SWT1: variants seen among roughly 807,000 people sequenced by gnomAD.
SWT1 encodes the protein transcriptional protein SWT1.
SWT1 carries 33 observed loss-of-function variants against 107.3 expected under a neutral mutation model. That is an observed-to-expected ratio of 0.31 (90% CI 0.23 to 0.41). The LOEUF (loss-of-function observed/expected upper bound fraction) is 0.41. Ranked by LOEUF, SWT1 falls within the 10% of genes least tolerant of loss-of-function variation. The pLI is 1.00. For missense variants in SWT1, 898 were observed against 1,028.9 expected (o/e 0.87, Z 1.74); for synonymous variants, 345 against 348.3 (o/e 0.99, Z 0.11).
chr1:185,283,334 A>C (rs1664753933), intron 18 of SWT1, among the ~76,000 whole-genome samples: 1 of 152,320 alleles, frequency 6.6e-6, no homozygotes, highest in Admixed American at 6.5e-5. Flanking sequence ...TTGCCAGTAG[A>C]GTGTCTGAGC....
chr1:185,166,864 A>C (rs1452367951), intron 3 of SWT1, among the ~76,000 whole-genome samples: 1 of 152,132 alleles, frequency 6.6e-6, no homozygotes, highest in African/African-American at 2.4e-5. Flanking sequence ...CATGGCTATA[A>C]ATTTAGACAG....
chr1:185,160,694 T>G (rs1037898949), intron 1 of SWT1, 139 bp from the exon 2 acceptor site: 18 of 598,552 alleles, frequency 3.0e-5, no homozygotes, highest in African/African-American at 3.0e-4. Context: ...GGAGCGAGAC[T>G]CCATCTCAAA....
intron 1 of SWT1, among the ~76,000 whole-genome samples, chr1:185,157,866 T>C (rs78981068): frequency 0.013 from 2,045 of 152,210 alleles, 21 homozygotes; most frequent in Non-Finnish European, 0.02. Context: ...CCAAAACATA[T>C]GCTAGCGAGT....
chr1:185,214,268 C>G (rs975429460), intron 13 of SWT1, among the ~76,000 whole-genome samples: 19 of 151,926 alleles, frequency 1.3e-4, no homozygotes, highest in Admixed American at 1.0e-3. Context: ...TGAAGTTGAC[C>G]GTGCTGACAG....
intron 16 of SWT1, among the ~76,000 whole-genome samples, chr1:185,259,660 G>A (rs1434325299): frequency 1.3e-5 from 2 of 151,806 alleles, no homozygotes; most frequent in Non-Finnish European, 2.9e-5. Flanking sequence ...GACTCCTGGG[G>A]ACATTGACCT....
At chr1:185,257,323 CT>C (rs1350725889) in intron 16 of SWT1, among the ~76,000 whole-genome samples, 1 of 152,274 alleles carries the variant, frequency 6.6e-6, no homozygotes, top group Non-Finnish European at 1.5e-5. Flanking sequence ...TTCGAGCTTC[CT>C]GGCTGCTTTG....
Position 185,202,799 on chromosome 1 carries a change from G to T in SWT1, c.1669G>T (p.Glu557Ter). Residue 557 changes from glutamate (E) to a stop codon, truncating the protein, a stop_gained and splice_region_variant, in exon 11 of 19, where the codon GAA becomes TAA. Transcript: ENST00000367500. LOFTEE classifies it high-confidence loss of function. The part of the protein sequence containing the change: ...PCIPKQQLKA[E>*]TTPLKESYKE... ...TATTCCTAAGCAACAGTTGAAAGCA[G>T]GTAGTATTTTTACTATAAATAATTA... is the stretch of plus-strand genomic sequence containing the variant. 1.3e-6 allele frequency: 2 copies of T among 1,487,484 alleles called. No homozygotes were observed. Among genetic ancestry groups the T allele is most frequent in the South Asian group, 1.5e-5 (1 of 67,516 alleles). 92.1% of individuals were successfully genotyped at this position (1,487,484 alleles called of 1,614,324 possible).
chr1:185,206,744 A>G lies in SWT1; in HGVS notation c.1953A>G (p.Leu651=), dbSNP rs1658365181. The part of the protein sequence containing the change: ...EKNLLLTIES[L]YKNLRKANKA... ...ACTTGCTTTTAACTATTGAGAGCCT[A>G]TACAAAAATCTCCGTAAAGGTATGA... The change falls in exon 13 of 19, where the codon CTA becomes CTG. Residue 651 remains leucine, a synonymous_variant. Coordinates refer to ENST00000367500, the MANE Select transcript of SWT1 (RefSeq NM_017673.7). 2 of 1,598,918 alleles carry G rather than the reference A, an allele frequency of 1.3e-6. No individual in the cohort carries two copies. Among genetic ancestry groups the G allele is most frequent in the East Asian group, 2.2e-5 (1 of 44,588 alleles).
chr1:185,266,427 T>G (rs1663398377), intron 16 of SWT1: 1 of 152,240 alleles, frequency 6.6e-6, no homozygotes, highest in Non-Finnish European at 1.5e-5. Flanking sequence ...TCTGCAACTT[T>G]ATTTTTCCTA....
At position 185,161,900 on chromosome 1, in the gene SWT1, T is replaced by C. The variant is rs565578526; in HGVS notation, c.84+975T>C. The stretch of plus-strand genomic sequence containing the variant: ...GTTTATGCTGTGTTACTGTGCAAGA[T>C]GAGAGACTAATCTGGCAAAGGTGAA... On this transcript the variant is annotated intron_variant, in intron 2 of 18. Coordinates refer to ENST00000367500, the MANE Select transcript of SWT1 (RefSeq NM_017673.7). Among the ~76,000 whole-genome samples the C allele has an allele frequency of 4.6e-5, 7 of 152,290 alleles. No homozygotes were observed. In the South Asian group the frequency reaches 1.2e-3, roughly 27 times the overall value.
At chr1:185,248,775 CAAA>C (rs371891305) in intron 16 of SWT1, among the ~76,000 whole-genome samples, 3,020 of 117,810 alleles carry the variant, frequency 0.026, 79 homozygotes, top group African/African-American at 0.078. Flanking sequence ...ACGACTAAGC[CAAA>C]AAAAAAAAAA....
chr1:185,266,707 T>C (rs1663425976), intron 16 of SWT1: 1 of 151,802 alleles, frequency 6.6e-6, no homozygotes. Context: ...TTGTATTTAC[T>C]ATTGAGCTAT....
At chr1:185,282,235 C>T (rs1212264838) in intron 18 of SWT1, among the ~76,000 whole-genome samples, 1 of 152,148 alleles carries the variant, frequency 6.6e-6, no homozygotes, top group Non-Finnish European at 1.5e-5. Context: ...CCTTTTAACA[C>T]TTTTGAGTTC....
chr1:185,256,820 G>A (rs1320807657), intron 16 of SWT1, among the ~76,000 whole-genome samples: 1 of 152,158 alleles, frequency 6.6e-6, no homozygotes, highest in African/African-American at 2.4e-5. Context: ...TCCATTGCTG[G>A]TGAGGAACTG....
chr1:185,184,646 G>A, intron 8 of SWT1, 97 bp from the exon 9 acceptor site: 1 of 777,592 alleles, frequency 1.3e-6, no homozygotes, highest in South Asian at 1.8e-5. Context: ...TAAAGGTAGG[G>A]ACTGTGTGCT....
chr1:185,177,625 C>G (rs182974363), intron 5 of SWT1, among the ~76,000 whole-genome samples: 33 of 152,250 alleles, frequency 2.2e-4, no homozygotes, highest in African/African-American at 7.7e-4. Context: ...ATGTTTTACC[C>G]ACTAATTCCT....
At chr1:185,223,531 G>A (rs1313282812) in intron 15 of SWT1, among the ~76,000 whole-genome samples, 2 of 152,050 alleles carry the variant, frequency 1.3e-5, no homozygotes, top group African/African-American at 4.8e-5. Flanking sequence ...GTGAGGTGGT[G>A]TCTCAGTGTG....
chr1:185,233,365 C>T (rs989650605), intron 16 of SWT1, among the ~76,000 whole-genome samples: 5 of 152,120 alleles, frequency 3.3e-5, no homozygotes, highest in Non-Finnish European at 5.9e-5. Context: ...TTTGCTCTTG[C>T]TTCTCTACTT....
At chr1:185,268,854 T>TC (rs1491506532) in intron 16 of SWT1, among the ~76,000 whole-genome samples, 2 of 78,794 alleles carry the variant, frequency 2.5e-5, no homozygotes, top group African/African-American at 7.7e-5. Context: ...TCTTTTTCTC[T>TC]TTTTTTTTTT....
Sources: allele counts gnomAD v4.1 joint callset (sites outside exome capture counted in the v4.1 genomes callset), GRCh38; gene constraint gnomAD v4.1.1; transcripts MANE v1.5; gene names NCBI Gene and HGNC (gene_info 2026-07-23, HGNC 2026-07-21).